SCD5: variants seen among roughly 807,000 people sequenced by gnomAD.
SCD5 encodes acyl-CoA-desaturase 4.
SCD5 carries 20 observed loss-of-function variants against 30.4 expected under a neutral mutation model. The ratio of observed to expected loss-of-function variants is 0.66; its 90% CI spans 0.46 to 0.96. The LOEUF is 0.96. SCD5 is among the 40% of genes least tolerant of loss of function. SCD5 has a pLI of 0.00. For synonymous variants in SCD5, 173 were observed against 176.4 expected (o/e 0.98, Z 0.16); for missense variants, 381 against 443.3 (o/e 0.86, Z 1.26).
intron 1 of SCD5, among the ~76,000 whole-genome samples, chr4:82,755,865 T>C (rs1440859590): frequency 6.6e-6 from 1 of 152,186 alleles, no homozygotes; most frequent in Non-Finnish European, 1.5e-5. Flanking sequence ...CACGGCTCCA[T>C]TATCTTTTTG....
intron 1 of SCD5, among the ~76,000 whole-genome samples, chr4:82,790,218 C>T (rs1428304998): frequency 6.6e-6 from 1 of 152,146 alleles, no homozygotes; most frequent in African/African-American, 2.4e-5. Flanking sequence ...TGTTCCTCCA[C>T]ACTAGAAATC....
intron 1 of SCD5, among the ~76,000 whole-genome samples, chr4:82,763,445 A>G (rs1721420517): frequency 6.6e-6 from 1 of 152,252 alleles, no homozygotes; most frequent in Admixed American, 6.5e-5. Flanking sequence ...CGGGAGGCAG[A>G]GGTTGCAGTG....
chr4:82,669,723 T>C (rs2148818826), intron 3 of SCD5, among the ~76,000 whole-genome samples: 1 of 152,304 alleles, frequency 6.6e-6, no homozygotes, highest in East Asian at 1.9e-4. Context: ...AATTCCCTTG[T>C]ATTTCCACCA....
chr4:82,739,070 T>G (rs1720815647), intron 1 of SCD5, among the ~76,000 whole-genome samples: 1 of 152,186 alleles, frequency 6.6e-6, no homozygotes, highest in African/African-American at 2.4e-5. Context: ...AAAATAATAA[T>G]CTTACCCCTA....
At position 82,631,406 on chromosome 4, in the gene SCD5, C is replaced by T; in HGVS notation, c.914G>A (p.Gly305Glu). Reference protein sequence around the residue: ...TWFIDFMCWLGLATDRKRATK... With the variant: ...TWFIDFMCWLELATDRKRATK... The stretch of plus-strand genomic sequence containing the variant: ...TGCCCGTTTGCGGTCAGTGGCCAGC[C>T]CCAGCCAGCACATGAAATCAATGAA... The change falls in exon 5 of 5, where the codon GGG (glycine) becomes GAG (glutamate). Residue 305 changes from glycine to glutamate, a missense_variant. By Grantham distance (98) the Gly-to-Glu change is moderately conservative. Transcript: ENST00000319540. 6.2e-7 allele frequency: 1 copy of T among 1,614,120 alleles called. No individual in the cohort carries two copies. The highest frequency in any genetic ancestry group is 1.1e-5 in the South Asian group (1 of 91,080).
At chr4:82,734,186 T>C (rs1008031503) in intron 1 of SCD5, among the ~76,000 whole-genome samples, 1 of 152,144 alleles carries the variant, frequency 6.6e-6, no homozygotes, top group Non-Finnish European at 1.5e-5. Context: ...GATGCAGAAA[T>C]GTGGCACTGG....
chr4:82,664,985 C>CTA (rs1369196128), intron 3 of SCD5, among the ~76,000 whole-genome samples: 9 of 109,322 alleles, frequency 8.2e-5, no homozygotes, highest in Non-Finnish European at 1.2e-4. Flanking sequence ...CTCTCTCTCT[C>CTA]TCTCTCTCTC....
intron 3 of SCD5, among the ~76,000 whole-genome samples, chr4:82,664,440 CA>C (rs869206402): frequency 6.2e-4 from 11 of 17,840 alleles, no homozygotes; most frequent in African/African-American, 1.6e-3. Context: ...CACAAAAGTG[CA>C]AGGGGGGGGG....
intron 3 of SCD5, among the ~76,000 whole-genome samples, chr4:82,639,140 T>C (rs1727490643): frequency 6.6e-6 from 1 of 152,212 alleles, no homozygotes; most frequent in East Asian, 1.9e-4. Flanking sequence ...AATATTTTTA[T>C]TGGACACCAT....
intron 1 of SCD5, among the ~76,000 whole-genome samples, chr4:82,763,746 G>A (rs766376010): frequency 4.6e-5 from 7 of 152,216 alleles, no homozygotes; most frequent in Admixed American, 1.3e-4. Context: ...GACCTTGGAC[G>A]TCCAGCCTCC....
intron 1 of SCD5, among the ~76,000 whole-genome samples, chr4:82,792,075 T>C (rs549591178): frequency 1.4e-4 from 21 of 152,094 alleles, no homozygotes; most frequent in Non-Finnish European, 2.5e-4. Context: ...CTGACCAACA[T>C]GAAGAAACCC....
chr4:82,739,585 C>T (rs997039427), intron 1 of SCD5, among the ~76,000 whole-genome samples: 1 of 152,248 alleles, frequency 6.6e-6, no homozygotes, highest in Non-Finnish European at 1.5e-5. Flanking sequence ...CAGGCATTCA[C>T]GCACACAAAA....
intron 3 of SCD5, among the ~76,000 whole-genome samples, chr4:82,658,799 T>A (rs1188875681): frequency 1.5e-5 from 2 of 137,126 alleles, no homozygotes; most frequent in Non-Finnish European, 3.1e-5. Context: ...TATTTTCTTT[T>A]TTTTGTTGTG....
rs778480466 is a variant in SCD5 at position 82,720,441 on chromosome 4, T to TACAAAAAAAAAAAAAAAAA, written c.233-15029_233-15028insTTTTTTTTTTTTTTTTTGT. ...GATGCTGTCTCAAAAAAGGCAAAAA[T>TACAAAAAAAAAAAAAAAAA]AAAAAAAAAAAAAAAAAAAAAAGAC... On this transcript the variant is annotated intron_variant, in intron 1 of 4. Transcript: ENST00000319540. 2.0e-3 allele frequency among the ~76,000 whole-genome samples: 156 copies of TACAAAAAAAAAAAAAAAAA among 77,794 alleles called. 7 individuals carry two copies. The highest frequency in any genetic ancestry group is 8.5e-3 in the Middle Eastern group (1 of 118). 51.0% of individuals were successfully genotyped at this position (77,794 alleles called of 152,430 possible).
chr4:82,786,939 G>C (rs929840411), intron 1 of SCD5, among the ~76,000 whole-genome samples: 2 of 152,000 alleles, frequency 1.3e-5, no homozygotes, highest in African/African-American at 2.4e-5. Context: ...CCACAGTCCC[G>C]CTCTACACAT....
chr4:82,700,787 TAAAAAAAAAAAAAAAAAA>T (rs70938305), intron 2 of SCD5, among the ~76,000 whole-genome samples: 93 of 63,800 alleles, frequency 1.5e-3, no homozygotes, highest in Middle Eastern at 7.5e-3. Flanking sequence ...ACCCTGTCTC[TAAAAAAAAAAAAAAAAAA>T]AAAAAAAAAA....
At position 82,798,590 on chromosome 4, in the gene SCD5, C is replaced by A; in HGVS notation, c.-53G>T. 3 of 1,473,812 alleles carry A rather than the reference C, an allele frequency of 2.0e-6. No individual in the cohort carries two copies. The South Asian group carries it at 4.0e-5, about 19-fold the overall frequency. The allele number at this position is 1,473,812 out of a possible 1,614,324, so 91.3% of individuals were successfully genotyped here. A position where few individuals can be genotyped will look rare whatever the true frequency, so the allele number is the denominator to read the frequency against. On this transcript the variant is annotated 5_prime_UTR_variant, in exon 1 of 5. Coordinates refer to ENST00000319540, the MANE Select transcript of SCD5 (RefSeq NM_001037582.3). ...GCGGCAGGCAGGCAGGCGCTCTGCC[C>A]GAGCGGAGCTCGAGGGTGGGGGCGG... is the stretch of plus-strand genomic sequence containing the variant.
rs780474307 is a variant in SCD5 at position 82,773,120 on chromosome 4, T to G, written c.232+25186A>C. On this transcript the variant is annotated intron_variant, in intron 1 of 4. Coordinates refer to ENST00000319540, the MANE Select transcript of SCD5 (RefSeq NM_001037582.3). ...AGGACACAGGACTTCATGCTCCCTA[T>G]GCCAGCTTCGAGGGGTACAATAGAG... Among the ~76,000 whole-genome samples the G allele has an allele frequency of 1.3e-3, 205 of 152,168 alleles. 3 individuals are homozygous for G. The highest frequency in any genetic ancestry group is 1.6e-3 in the Non-Finnish European group (106 of 68,024).
chr4:82,723,608 G>GGAAC (rs1720415022), intron 1 of SCD5, among the ~76,000 whole-genome samples: 1 of 152,178 alleles, frequency 6.6e-6, no homozygotes, highest in African/African-American at 2.4e-5. Flanking sequence ...ACTTTAAAGT[G>GGAAC]GAACAAGCAG....
Sources: allele counts gnomAD v4.1 joint callset (sites outside exome capture counted in the v4.1 genomes callset), GRCh38; gene constraint gnomAD v4.1.1; transcripts MANE v1.5; gene names NCBI Gene and HGNC (gene_info 2026-07-23, HGNC 2026-07-21).